The following ZNF2 variants were observed in gnomAD, a reference collection of about 807,000 sequenced individuals.
ZNF2 encodes the protein zinc finger protein 2.2.
A neutral mutation model predicts 21.9 loss-of-function variants in ZNF2; 12 were observed. The ratio of observed to expected loss-of-function variants is 0.55; its 90% CI spans 0.35 to 0.89. ZNF2 has a LOEUF of 0.89. Ranked by LOEUF, ZNF2 falls within the 40% of genes least tolerant of loss-of-function variation. The probability of loss-of-function intolerance (pLI) is 0.01; values close to 1 mark genes in which losing one functional copy is unlikely to be tolerated. For synonymous variants in ZNF2, 186 were observed against 196.3 expected, an observed-to-expected ratio of 0.95 and a Z score of 0.44; for missense variants, 462 against 544.2, an observed-to-expected ratio of 0.85 and a Z score of 1.50.
chr2:95,175,746 G>T (rs575014470), intron 1 of ZNF2, among the ~76,000 whole-genome samples: 1 of 152,280 alleles, frequency 6.6e-6, no homozygotes, highest in African/African-American at 2.4e-5. Context: ...GCTGCCCAAG[G>T]GATGCTCCTT....
chr2:95,181,028 C>T (rs1237956162), intron 4 of ZNF2, 75 bp from the exon 5 acceptor site: 2 of 1,520,646 alleles, frequency 1.3e-6, no homozygotes, highest in Non-Finnish European at 1.8e-6. Flanking sequence ...CTTTCAGACT[C>T]ATCGGAGCAT....
intron 1 of ZNF2, 69 bp from the exon 2 acceptor site, chr2:95,176,119 C>T: frequency 7.2e-7 from 1 of 1,384,934 alleles, no homozygotes; most frequent in Non-Finnish European, 1.0e-6. Flanking sequence ...CTTCATGGGT[C>T]AAAAGACTAT....
intron 2 of ZNF2, 68 bp from the exon 3 acceptor site, chr2:95,177,415 G>C: frequency 6.4e-7 from 1 of 1,564,868 alleles, no homozygotes; most frequent in South Asian, 1.2e-5. Context: ...TGTCATCTTT[G>C]ACATTTTTGG....
intron 3 of ZNF2, among the ~76,000 whole-genome samples, chr2:95,179,917 TGTG>T (rs1428872556): frequency 1.3e-5 from 2 of 151,930 alleles, no homozygotes; most frequent in Non-Finnish European, 2.9e-5. Context: ...ATTAGCCAGG[TGTG>T]GTGGCACCCG....
intron 1 of ZNF2, among the ~76,000 whole-genome samples, chr2:95,174,326 C>T (rs1674372633): frequency 6.6e-6 from 1 of 152,114 alleles, no homozygotes; most frequent in Non-Finnish European, 1.5e-5. Flanking sequence ...TTTTTTAAAG[C>T]ACGGATGTGA....
chr2:95,181,033 G>C (rs749139661), intron 4 of ZNF2, 70 bp from the exon 5 acceptor site: 4 of 1,538,154 alleles, frequency 2.6e-6, no homozygotes, highest in African/African-American at 1.4e-5. Context: ...AGACTCATCG[G>C]AGCATCTCTT....
intron 1 of ZNF2, among the ~76,000 whole-genome samples, chr2:95,172,169 C>G (rs1674295750): frequency 6.6e-6 from 1 of 152,210 alleles, no homozygotes; most frequent in Non-Finnish European, 1.5e-5. Context: ...AGGGCTAAGT[C>G]ACATAGGCAC....
At chr2:95,177,757 C>A in intron 3 of ZNF2, 148 bp downstream of exon 3, 2 of 1,073,670 alleles carry the variant, frequency 1.9e-6, no homozygotes, top group Non-Finnish European at 2.6e-6. Context: ...CATCAGAGTA[C>A]AGCAACGGCG....
intron 1 of ZNF2, among the ~76,000 whole-genome samples, chr2:95,168,085 T>G (rs1334991120): frequency 1.3e-5 from 2 of 150,146 alleles, no homozygotes; most frequent in African/African-American, 4.9e-5. Flanking sequence ...TCTTTGAAGA[T>G]GTTGAAAGAA....
At chr2:95,168,743 A>G (rs1674171566) in intron 1 of ZNF2, among the ~76,000 whole-genome samples, 1 of 152,226 alleles carries the variant, frequency 6.6e-6, no homozygotes, top group African/African-American at 2.4e-5. Context: ...TAGGTGGTAA[A>G]CAACTGTTGG....
intron 1 of ZNF2, among the ~76,000 whole-genome samples, chr2:95,175,041 T>A (rs189767438): frequency 6.6e-6 from 1 of 152,280 alleles, no homozygotes; most frequent in African/African-American, 2.4e-5. Context: ...ATTTTTATAT[T>A]TTTTTATTTT....
chr2:95,182,174 A>G lies in ZNF2; in HGVS notation c.*68A>G. On this transcript the variant is annotated 3_prime_UTR_variant, in exon 5 of 5. Coordinates refer to ENST00000614034, the MANE Select transcript of ZNF2 (RefSeq NM_021088.4). ...TTGAGATAGATCTCGCCTGTCTTAA[A>G]GCTGCCATTTGCTCATTCTACCCAC... 3 of 1,524,816 alleles carry G rather than the reference A, an allele frequency of 2.0e-6. No individual in the cohort carries two copies. Among genetic ancestry groups the G allele is most frequent in the Non-Finnish European group, 2.6e-6 (3 of 1,138,564 alleles). The allele number at this position is 1,524,816 out of a possible 1,614,324, so 94.5% of individuals were successfully genotyped here.
In ZNF2 at chr2:95,183,683, C is replaced by T. The variant is rs1258098586; in HGVS notation, c.*1577C>T. 3 of 141,150 alleles carry T rather than the reference C, an allele frequency of 2.1e-5. No individual in the cohort carries two copies. Among genetic ancestry groups the T allele is most frequent in the East Asian group, 2.1e-4 (1 of 4,734 alleles). 8.7% of individuals were successfully genotyped at this position (141,150 alleles called of 1,614,324 possible). A position where few individuals can be genotyped will look rare whatever the true frequency, so the allele number is the denominator to read the frequency against. ...TCACCCAGGTTGGAATGCAATGGCA[C>T]AATCTCCGCTCACTGCAAGCTCCGC... On this transcript the variant is annotated 3_prime_UTR_variant, in exon 5 of 5. Coordinates refer to ENST00000614034, the MANE Select transcript of ZNF2 (RefSeq NM_021088.4).
intron 1 of ZNF2, 136 bp from the exon 2 acceptor site, chr2:95,176,052 C>G (rs1370067073): frequency 1.1e-5 from 9 of 813,282 alleles, no homozygotes; most frequent in Non-Finnish European, 1.9e-5. Context: ...CCTGGCTTTG[C>G]TTTACTTAGA....
In ZNF2 at chr2:95,182,939, T is replaced by C. The variant is rs545135769; in HGVS notation, c.*833T>C. On this transcript the variant is annotated 3_prime_UTR_variant, in exon 5 of 5. Transcript: ENST00000614034. The stretch of plus-strand genomic sequence containing the variant: ...TGTATCTCACACAGTGCCTTGCTAA[T>C]AGGTGCTCAATAAATATTTATATGA... 6.6e-6 allele frequency: 1 copy of C among 152,360 alleles called. No homozygotes were observed. The highest frequency in any genetic ancestry group is 1.5e-5 in the Non-Finnish European group (1 of 68,040). The allele number at this position is 152,360 out of a possible 1,614,324, so 9.4% of individuals were successfully genotyped here.
chr2:95,181,329 C>A lies in ZNF2; in HGVS notation c.501C>A (p.Leu167=). 1 of 1,614,230 alleles carries A rather than the reference C, an allele frequency of 6.2e-7. No homozygotes were observed. The highest frequency in any genetic ancestry group is 8.5e-7 in the Non-Finnish European group (1 of 1,180,044). The change falls in exon 5 of 5, where the codon CTC becomes CTA. Residue 167 remains leucine (L), a synonymous_variant. Coordinates refer to ENST00000614034, the MANE Select transcript of ZNF2 (RefSeq NM_021088.4). The part of the protein sequence containing the change: ...RRRSALSREI[L]TKERHQECSD... ...GGTCAGCCCTGTCCAGGGAAATTCTCACTAAAGAGAGACACCAGGAATGCA... is the reference window on the plus strand; with the variant it reads ...GGTCAGCCCTGTCCAGGGAAATTCTAACTAAAGAGAGACACCAGGAATGCA...
chr2:95,173,832 C>T (rs557316850), intron 1 of ZNF2, among the ~76,000 whole-genome samples: 84 of 152,320 alleles, frequency 5.5e-4, no homozygotes, highest in East Asian at 1.7e-3. Context: ...CCTCAGCCTC[C>T]CAAGTAGCTG....
chr2:95,181,775 A>C lies in ZNF2; in HGVS notation c.947A>C (p.Asn316Thr). 1 of 1,614,160 alleles carries C rather than the reference A, an allele frequency of 6.2e-7. No homozygotes were observed. The highest frequency in any genetic ancestry group is 8.5e-7 in the Non-Finnish European group (1 of 1,180,020). Residue 316 changes from asparagine (N) to threonine (T), a missense_variant, in exon 5 of 5, where the codon AAC becomes ACC. Physicochemically the swap from Asn to Thr is moderately conservative, Grantham distance 65. Transcript: ENST00000614034. ...IHTGRKPYEC[N>T]ECGKAFYGVS... ...ACTGGCAGGAAGCCTTATGAGTGTAACGAGTGCGGGAAAGCTTTCTATGGT... is the reference window on the plus strand; with the variant it reads ...ACTGGCAGGAAGCCTTATGAGTGTACCGAGTGCGGGAAAGCTTTCTATGGT...
At position 95,181,683 on chromosome 2, in the gene ZNF2, T is replaced by C. The variant is rs758439124; in HGVS notation, c.855T>C (p.Tyr285=). 6.2e-7 allele frequency: 1 copy of C among 1,614,220 alleles called. No homozygotes were observed. The highest frequency in any genetic ancestry group is 8.5e-7 in the Non-Finnish European group (1 of 1,180,034). The part of the protein sequence containing the change: ...HQRIHTGESP[Y]ECHQCGKAFS... ...GAATTCACACTGGAGAAAGTCCTTA[T>C]GAATGTCATCAGTGTGGGAAAGCCT... Residue 285 remains tyrosine, a synonymous_variant, in exon 5 of 5, where the codon TAT becomes TAC. Transcript: ENST00000614034.
Sources: allele counts gnomAD v4.1 joint callset (sites outside exome capture counted in the v4.1 genomes callset), GRCh38; gene constraint gnomAD v4.1.1; transcripts MANE v1.5; gene names NCBI Gene and HGNC (gene_info 2026-07-23, HGNC 2026-07-21).